Variants in ERBB4 observed in about 807,000 individuals in gnomAD.
ERBB4 encodes receptor tyrosine-protein kinase erbB-4.
ERBB4 carries 42 observed loss-of-function variants against 158.0 expected under a neutral mutation model. That is an observed-to-expected ratio of 0.27 (90% CI 0.21 to 0.34). The LOEUF is 0.34. Ranked by LOEUF, ERBB4 falls within the 10% of genes least tolerant of loss-of-function variation. ERBB4 has a pLI of 1.00. For missense variants in ERBB4, 1,333 were observed against 1,624.1 expected (o/e 0.82, Z 3.08); for synonymous variants, 583 against 558.7 (o/e 1.04, Z -0.61).
intron 1 of ERBB4, among the ~76,000 whole-genome samples, chr2:212,384,186 G>A (rs1196722641): frequency 6.6e-6 from 1 of 151,602 alleles, no homozygotes; most frequent in Admixed American, 6.6e-5. Context: ...GTAAGTGACA[G>A]CAATTGTGAC....
chr2:212,479,633 C>T (rs1689586430), intron 1 of ERBB4, among the ~76,000 whole-genome samples: 1 of 152,252 alleles, frequency 6.6e-6, no homozygotes, highest in East Asian at 1.9e-4. Flanking sequence ...TAGGAAGTAA[C>T]AGCATCTGAA....
chr2:211,699,851 G>A (rs965584103), intron 12 of ERBB4, among the ~76,000 whole-genome samples: 2 of 152,056 alleles, frequency 1.3e-5, no homozygotes, highest in Non-Finnish European at 2.9e-5. Context: ...GTTTTAAAGA[G>A]GGGTGAAATA....
At position 212,083,858 on chromosome 2, in the gene ERBB4, C is replaced by T. The variant is rs1033111826; in HGVS notation, c.234+40894G>A. On this transcript the variant is annotated intron_variant, in intron 2 of 27. Transcript: ENST00000342788. ...CTGTATGGTATCCCAAACAGAACAA[C>T]GCATATCTTTATAGAGTGACTTTAT... Among the ~76,000 whole-genome samples, 5 of 150,914 alleles carry T rather than the reference C, an allele frequency of 3.3e-5. No homozygotes were observed. In the South Asian group the frequency reaches 6.3e-4, roughly 19 times the overall value.
intron 1 of ERBB4, among the ~76,000 whole-genome samples, chr2:212,271,541 T>C (rs983401279): frequency 1.3e-5 from 2 of 151,798 alleles, no homozygotes; most frequent in African/African-American, 2.4e-5. Flanking sequence ...TTAAAATTAA[T>C]CTTTCAAAAT....
At chr2:212,496,734 T>C (rs1690595965) in intron 1 of ERBB4, among the ~76,000 whole-genome samples, 1 of 152,222 alleles carries the variant, frequency 6.6e-6, no homozygotes, top group African/African-American at 2.4e-5. Flanking sequence ...AGTATCTATC[T>C]CTATGCTGAC....
chr2:212,365,835 A>T (rs1287220897), intron 1 of ERBB4, among the ~76,000 whole-genome samples: 1 of 151,940 alleles, frequency 6.6e-6, no homozygotes, highest in African/African-American at 2.4e-5. Flanking sequence ...AACTGTAAGT[A>T]CATACTGAGG....
At chr2:211,766,643 T>A (rs189124168) in intron 4 of ERBB4, among the ~76,000 whole-genome samples, 3 of 152,330 alleles carry the variant, frequency 2.0e-5, no homozygotes, top group Admixed American at 2.0e-4. Context: ...TAAACAAGGA[T>A]GAACTTGTGA....
intron 4 of ERBB4, among the ~76,000 whole-genome samples, chr2:211,772,608 C>T (rs754005237): frequency 2.8e-4 from 42 of 151,138 alleles, no homozygotes; most frequent in Admixed American, 9.9e-4. Flanking sequence ...CTCCAAATAA[C>T]CATTCTTATT....
chr2:212,383,453 G>A (rs953259919), intron 1 of ERBB4, among the ~76,000 whole-genome samples: 9 of 151,666 alleles, frequency 5.9e-5, no homozygotes, highest in African/African-American at 2.2e-4. Context: ...TCCCTAATTT[G>A]TGAAAAATAT....
At position 212,340,047 on chromosome 2, in the gene ERBB4, CT is replaced by C. The variant is rs11381212; in HGVS notation, c.82+198401del. Among the ~76,000 whole-genome samples the C allele has an allele frequency of 7.4e-3, 1,086 of 146,564 alleles. 16 individuals carry two copies. The highest frequency in any genetic ancestry group is 0.025 in the African/African-American group (978 of 39,786). ...CATATTCCTAGTTCAAATTAATATT[CT>C]TTTTTTTTTTTTAAGACAAGGTCTC... On this transcript the variant is annotated intron_variant, in intron 1 of 27. Transcript: ENST00000342788.
At chr2:211,473,256 C>A (rs2064874703) in intron 20 of ERBB4, among the ~76,000 whole-genome samples, 1 of 151,926 alleles carries the variant, frequency 6.6e-6, no homozygotes, top group Admixed American at 6.6e-5. Context: ...ATGTTGGCAG[C>A]CACTGGAAGC....
intron 4 of ERBB4, among the ~76,000 whole-genome samples, chr2:211,772,161 A>G (rs1267074456): frequency 6.6e-6 from 1 of 152,122 alleles, no homozygotes; most frequent in African/African-American, 2.4e-5. Flanking sequence ...TCTCTTCCAA[A>G]ATCCACACTG....
At chr2:212,389,316 C>T (rs6756047) in intron 1 of ERBB4, among the ~76,000 whole-genome samples, 61,780 of 151,780 alleles carry the variant, frequency 0.41, 14,147 homozygotes, top group African/African-American at 0.63. Context: ...AAGTATAGAC[C>T]ATATACACAT....
intron 1 of ERBB4, among the ~76,000 whole-genome samples, chr2:212,355,806 G>T (rs2089441899): frequency 6.6e-6 from 1 of 151,840 alleles, no homozygotes; most frequent in African/African-American, 2.4e-5. Flanking sequence ...GTATATATGT[G>T]TGTATGTGTG....
At position 212,203,901 on chromosome 2, in the gene ERBB4, T is replaced by G. The variant is rs142759661; in HGVS notation, c.83-78998A>C. On this transcript the variant is annotated intron_variant, in intron 1 of 27. Coordinates refer to ENST00000342788, the MANE Select transcript of ERBB4 (RefSeq NM_005235.3). ...CTTTTTAACTTTGTTTCTAGATAAATGACCACTGACAGTCACATACTAAGT... is the reference window on the plus strand; with the variant it reads ...CTTTTTAACTTTGTTTCTAGATAAAGGACCACTGACAGTCACATACTAAGT... Among the ~76,000 whole-genome samples, 3 of 152,328 alleles carry G rather than the reference T, an allele frequency of 2.0e-5. No individual in the cohort carries two copies. In the East Asian group the frequency reaches 5.8e-4, roughly 29 times the overall value.
intron 14 of ERBB4, among the ~76,000 whole-genome samples, chr2:211,667,720 C>T (rs910167977): frequency 2.2e-4 from 34 of 152,116 alleles, no homozygotes; most frequent in African/African-American, 7.0e-4. Context: ...TAGGCAGAGT[C>T]TGAATTAAGA....
At chr2:211,424,019 C>T (rs1245614793) in intron 23 of ERBB4, 136 bp downstream of exon 23, 4 of 824,200 alleles carry the variant, frequency 4.9e-6, no homozygotes, top group East Asian at 2.5e-5. Flanking sequence ...AACAAAGAGG[C>T]GTTCATATGT....
chr2:211,665,605 A>G (rs947062558), intron 14 of ERBB4, 128 bp from the exon 15 acceptor site: 7 of 866,882 alleles, frequency 8.1e-6, no homozygotes, highest in Non-Finnish European at 1.3e-5. Flanking sequence ...ATTGGAGAAC[A>G]TTTTCAGCAG....
intron 12 of ERBB4, among the ~76,000 whole-genome samples, chr2:211,682,432 T>C (rs547011720): frequency 1.3e-5 from 2 of 152,224 alleles, no homozygotes; most frequent in East Asian, 1.9e-4. Flanking sequence ...TTTCACTTAG[T>C]ATACCAATTC....
Sources: gnomAD v4.1 joint callset for allele counts (sites outside exome capture counted in the v4.1 genomes callset) on GRCh38, gnomAD v4.1.1 for gene constraint, MANE v1.5 for transcripts, NCBI Gene and HGNC (gene_info 2026-07-23, HGNC 2026-07-21) for gene names.